Variants in CRB1 observed in about 807,000 individuals in gnomAD.
CRB1 encodes crumbs cell polarity complex component 1, also known as protein crumbs homolog 1.
A neutral mutation model predicts 120.0 loss-of-function variants in CRB1; 83 were observed. That is an observed-to-expected ratio of 0.69 (90% CI 0.58 to 0.83). The LOEUF (loss-of-function observed/expected upper bound fraction) is 0.83. Ranked by LOEUF, CRB1 falls within the 40% of genes least tolerant of loss-of-function variation. The probability of loss-of-function intolerance (pLI) is 0.00; values close to 1 mark genes in which losing one functional copy is unlikely to be tolerated. For synonymous variants in CRB1, 625 were observed against 612.5 expected (o/e 1.02, Z -0.30); for missense variants, 1,699 against 1,687.6 (o/e 1.01, Z -0.12).
At chr1:197,452,222 T>A (rs1167962200) in intron 11 of CRB1, among the ~76,000 whole-genome samples, 6 of 152,116 alleles carry the variant, frequency 3.9e-5, no homozygotes, top group African/African-American at 1.4e-4. Context: ...CGAAGGAAAT[T>A]CCCTATCCCA....
At chr1:197,473,618 GA>G (rs36091967) in intron 11 of CRB1, among the ~76,000 whole-genome samples, 10,136 of 145,142 alleles carry the variant, frequency 0.07, 382 homozygotes, top group Non-Finnish European at 0.091. Flanking sequence ...TCATTTTTCA[GA>G]AAAAAAAAAA....
the CRB1 span, among the ~76,000 whole-genome samples, chr1:197,257,903 G>A: frequency 0.28 from 42,098 of 152,036 alleles, 7,187 homozygotes; most frequent in African/African-American, 0.49. Context: ...GCTGCTGGAA[G>A]GGTCATGCCA....
intron 5 of CRB1, among the ~76,000 whole-genome samples, chr1:197,405,416 C>T (rs575190358): frequency 9.0e-4 from 137 of 151,482 alleles, no homozygotes; most frequent in Non-Finnish European, 1.7e-3. Context: ...GGTGTGATCT[C>T]GGCTCGCTAC....
chr1:197,245,514 C>CA, the CRB1 span, among the ~76,000 whole-genome samples: 5 of 151,790 alleles, frequency 3.3e-5, no homozygotes, highest in Non-Finnish European at 7.4e-5. Flanking sequence ...TCTCTTAAAA[C>CA]AAAAAAGACA....
intron 2 of CRB1, among the ~76,000 whole-genome samples, chr1:197,341,132 TG>T (rs1659431177): frequency 6.6e-6 from 1 of 152,042 alleles, no homozygotes; most frequent in Non-Finnish European, 1.5e-5. Flanking sequence ...CCATAACACC[TG>T]GGAATTCAAG....
intron 5 of CRB1, among the ~76,000 whole-genome samples, chr1:197,405,517 G>C (rs2125441251): frequency 6.6e-6 from 1 of 152,144 alleles, no homozygotes; most frequent in East Asian, 2.0e-4. Flanking sequence ...GAAGTGAGGA[G>C]CGTCTCTGCC....
intron 11 of CRB1, among the ~76,000 whole-genome samples, chr1:197,447,191 C>G (rs1245830376): frequency 6.6e-6 from 1 of 152,124 alleles, no homozygotes; most frequent in Non-Finnish European, 1.5e-5. Context: ...TGAGCTGAAC[C>G]AGGGAGGGAT....
At chr1:197,431,469 C>A (rs1664868238) in intron 8 of CRB1, among the ~76,000 whole-genome samples, 1 of 152,002 alleles carries the variant, frequency 6.6e-6, no homozygotes, top group Non-Finnish European at 1.5e-5. Context: ...AAAATAATTT[C>A]TTAATTATTA....
intron 5 of CRB1, among the ~76,000 whole-genome samples, chr1:197,365,698 T>C (rs921070228): frequency 1.3e-5 from 2 of 151,378 alleles, no homozygotes; most frequent in African/African-American, 4.9e-5. Flanking sequence ...CGCCTTGTGT[T>C]GTAGGTGGGA....
intron 1 of CRB1, among the ~76,000 whole-genome samples, chr1:197,290,519 A>G (rs1656112495): frequency 6.6e-6 from 1 of 151,336 alleles, no homozygotes; most frequent in South Asian, 2.1e-4. Flanking sequence ...CCTTTCCATG[A>G]CCATTAAAAA....
chr1:197,226,783 T>C, the CRB1 span, among the ~76,000 whole-genome samples: 1 of 152,144 alleles, frequency 6.6e-6, no homozygotes, highest in African/African-American at 2.4e-5. Context: ...AGAAGTTTAA[T>C]TGGACTTACA....
chr1:197,237,659 G>A, the CRB1 span, among the ~76,000 whole-genome samples: 1 of 152,116 alleles, frequency 6.6e-6, no homozygotes, highest in Non-Finnish European at 1.5e-5. Context: ...AGACACAGTT[G>A]TTCATAGTAT....
intron 11 of CRB1, among the ~76,000 whole-genome samples, chr1:197,453,383 T>A (rs975166613): frequency 5.0e-4 from 74 of 147,476 alleles, no homozygotes; most frequent in Non-Finnish European, 9.2e-4. Context: ...TTATATATAA[T>A]TAAATTATAT....
intron 1 of CRB1, among the ~76,000 whole-genome samples, chr1:197,284,443 A>G (rs1469044340): frequency 6.6e-6 from 1 of 151,948 alleles, no homozygotes; most frequent in African/African-American, 2.4e-5. Flanking sequence ...CTGAGTAGTC[A>G]CATCTAATCA....
chr1:197,372,963 G>A, intron 5 of CRB1, among the ~76,000 whole-genome samples: 1 of 152,070 alleles, frequency 6.6e-6, no homozygotes, highest in East Asian at 1.9e-4. Flanking sequence ...CCATACAATT[G>A]TTTTGCCAGC....
rs1363646732 is a variant in CRB1, at chr1:197,439,032, G to A, written c.3878+357G>A. The A allele has an allele frequency of 1.1e-5, 3 of 282,842 alleles. No homozygotes were observed. The East Asian group carries it at 2.7e-4, about 26-fold the overall frequency. The allele number at this position is 282,842 out of a possible 1,614,324, so 17.5% of individuals were successfully genotyped here. On this transcript the variant is annotated intron_variant, in intron 10 of 11. Transcript: ENST00000367400. ...GAGGTAAAATAAATTACAACTAAAA[G>A]ATTGCCTCATAGAATTGCCTACAAC...
intron 11 of CRB1, chr1:197,447,312 G>A (rs1043673065): frequency 6.6e-6 from 1 of 152,184 alleles, no homozygotes; most frequent in African/African-American, 2.4e-5. Context: ...TCCCCAACAT[G>A]GTTGCTTACT....
intron 1 of CRB1, among the ~76,000 whole-genome samples, chr1:197,321,631 T>C (rs1658202797): frequency 6.6e-6 from 1 of 152,218 alleles, no homozygotes. Context: ...ACAGGCATAC[T>C]GAAAAGCATA....
upstream of CRB1, among the ~76,000 whole-genome samples, chr1:197,264,613 CTT>C (rs750805262): frequency 1.8e-4 from 23 of 130,982 alleles, no homozygotes; most frequent in Non-Finnish European, 1.2e-4. Flanking sequence ...GTGCATTCTT[CTT>C]TTTTTTTTTT....
Sources: allele counts gnomAD v4.1 joint callset (sites outside exome capture counted in the v4.1 genomes callset), GRCh38; gene constraint gnomAD v4.1.1; transcripts MANE v1.5; gene names NCBI Gene and HGNC (gene_info 2026-07-23, HGNC 2026-07-21).